Variants in SLCO5A1 observed in about 807,000 individuals in gnomAD.
SLCO5A1 encodes solute carrier organic anion transporter family member 5A1, also known as organic anion transporter polypeptide-related protein 4.
In SLCO5A1, 39 loss-of-function variants were observed where a neutral mutation model predicts 65.1. The ratio of observed to expected loss-of-function variants is 0.60; its 90% CI spans 0.46 to 0.78. The LOEUF is 0.78. Among genes scored for constraint, SLCO5A1 ranks in the 30% least tolerant of loss-of-function variants. SLCO5A1 has a pLI of 0.00. For missense variants in SLCO5A1, 1,029 were observed against 1,069.4 expected (o/e 0.96, Z 0.53); for synonymous variants, 438 against 415.7 (o/e 1.05, Z -0.65).
chr8:69,796,810 C>G (rs1819519491), intron 2 of SLCO5A1, among the ~76,000 whole-genome samples: 1 of 152,072 alleles, frequency 6.6e-6, no homozygotes, highest in African/African-American at 2.4e-5. Flanking sequence ...ATGACTTCCA[C>G]TAGATACCCT....
chr8:69,825,939 T>G (rs1820876046), intron 2 of SLCO5A1, among the ~76,000 whole-genome samples: 1 of 151,906 alleles, frequency 6.6e-6, no homozygotes, highest in East Asian at 1.9e-4. Flanking sequence ...GAGATATAGA[T>G]CAATGGAACA....
intron 2 of SLCO5A1, among the ~76,000 whole-genome samples, chr8:69,782,269 T>C (rs1216864973): frequency 2.0e-5 from 3 of 151,792 alleles, no homozygotes; most frequent in Admixed American, 6.6e-5. Context: ...AATTATAAGT[T>C]ATATAAAAAG....
chr8:69,711,187 C>G (rs1238180759), intron 5 of SLCO5A1, among the ~76,000 whole-genome samples: 5 of 151,732 alleles, frequency 3.3e-5, no homozygotes, highest in Non-Finnish European at 7.4e-5. Flanking sequence ...TGGGTTCTCC[C>G]GGCAGAAGTT....
At chr8:69,737,986 A>G in intron 5 of SLCO5A1, 54 bp downstream of exon 5, 1 of 1,575,284 alleles carries the variant, frequency 6.3e-7, no homozygotes, top group South Asian at 1.2e-5. Context: ...TACCCATTCC[A>G]TTTCATGGTC....
intron 2 of SLCO5A1, among the ~76,000 whole-genome samples, chr8:69,809,784 CT>C (rs1028556036): frequency 6.6e-6 from 1 of 151,570 alleles, no homozygotes; most frequent in African/African-American, 2.4e-5. Context: ...GGAAGGAGTA[CT>C]TTTTTTGCTT....
chr8:69,705,619 A>G (rs147393171), intron 5 of SLCO5A1, among the ~76,000 whole-genome samples: 1 of 152,354 alleles, frequency 6.6e-6, no homozygotes, highest in East Asian at 1.9e-4. Context: ...TACTCAGGTG[A>G]CAGTTACCCT....
At chr8:69,704,456 A>AT (rs1814882150) in intron 6 of SLCO5A1, among the ~76,000 whole-genome samples, 1 of 152,184 alleles carries the variant, frequency 6.6e-6, no homozygotes, top group Non-Finnish European at 1.5e-5. Context: ...ATATTGTTCC[A>AT]TTTTTTAAAA....
intron 2 of SLCO5A1, among the ~76,000 whole-genome samples, chr8:69,830,064 G>A (rs754935665): frequency 1.3e-5 from 2 of 152,182 alleles, no homozygotes. Context: ...AAGATGGTAA[G>A]CAAGCTATTC....
At chr8:69,771,295 C>A (rs971866587) in intron 2 of SLCO5A1, among the ~76,000 whole-genome samples, 2 of 152,146 alleles carry the variant, frequency 1.3e-5, no homozygotes, top group African/African-American at 4.8e-5. Context: ...GATCTTACAT[C>A]ATTTTAAATG....
intron 5 of SLCO5A1, among the ~76,000 whole-genome samples, chr8:69,730,198 G>A (rs1816268587): frequency 6.6e-6 from 1 of 152,196 alleles, no homozygotes. Flanking sequence ...GGGATTCAGA[G>A]AGGTCTGTGT....
intron 6 of SLCO5A1, among the ~76,000 whole-genome samples, chr8:69,684,669 C>A (rs1322806164): frequency 5.3e-5 from 8 of 152,144 alleles, no homozygotes; most frequent in Admixed American, 5.2e-4. Context: ...GCCAGCAATC[C>A]ACAAGTGCTT....
chr8:69,715,974 C>T (rs1386221298), intron 5 of SLCO5A1, among the ~76,000 whole-genome samples: 1 of 152,054 alleles, frequency 6.6e-6, no homozygotes, highest in African/African-American at 2.4e-5. Context: ...GCTATCACAC[C>T]CAGCCCTCCC....
chr8:69,762,147 TTTCTTTC>T (rs1817812470), intron 2 of SLCO5A1, among the ~76,000 whole-genome samples: 1 of 60,506 alleles, frequency 1.7e-5, no homozygotes, highest in Non-Finnish European at 3.5e-5. Context: ...TCTTTCTTTC[TTTCTTTC>T]TTTCTTTCTT....
intron 4 of SLCO5A1, among the ~76,000 whole-genome samples, chr8:69,752,996 C>A (rs1428363577): frequency 6.6e-6 from 1 of 152,192 alleles, no homozygotes; most frequent in East Asian, 1.9e-4. Flanking sequence ...AGAAAAGCAA[C>A]CCCTGGCAGT....
At chr8:69,716,603 T>A (rs930490447) in intron 5 of SLCO5A1, among the ~76,000 whole-genome samples, 3 of 152,232 alleles carry the variant, frequency 2.0e-5, no homozygotes. Context: ...GTGCTTATTG[T>A]TGGACATTGG....
In SLCO5A1 at chr8:69,832,205, C is replaced by T; in HGVS notation, c.469G>A (p.Glu157Lys). ...GAACTCTTCAGACTGTAGCGCCTTTCAATGGTGGTAATTACGCTGCTCAGG... is the reference window on the plus strand; with the variant it reads ...GAACTCTTCAGACTGTAGCGCCTTTTAATGGTGGTAATTACGCTGCTCAGG... ...GYLSSVITTI[E>K]RRYSLKSSES... The change falls in exon 2 of 10, where the codon GAA becomes AAA. Residue 157 changes from glutamate to lysine, a missense_variant. By Grantham distance (56) the Glu-to-Lys change is moderately conservative. Coordinates refer to ENST00000260126, the MANE Select transcript of SLCO5A1 (RefSeq NM_030958.3). The surrounding 1 kb of genome is among the most constrained non-coding windows in gnomAD (Gnocchi z 4.5). The T allele has an allele frequency of 6.2e-7, 1 of 1,614,186 alleles. No homozygotes were observed. Among genetic ancestry groups the T allele is most frequent in the Non-Finnish European group, 8.5e-7 (1 of 1,180,044 alleles).
intron 2 of SLCO5A1, among the ~76,000 whole-genome samples, chr8:69,784,821 A>AAGAAAGAG (rs1490247545): frequency 1.6e-5 from 2 of 121,770 alleles, no homozygotes; most frequent in African/African-American, 5.5e-5. Context: ...AAAAGAAAGA[A>AAGAAAGAG]AGAAAGAAAG....
chr8:69,742,710 C>G (rs1816838453), intron 4 of SLCO5A1, among the ~76,000 whole-genome samples: 1 of 151,460 alleles, frequency 6.6e-6, no homozygotes, highest in African/African-American at 2.4e-5. Flanking sequence ...CAGAGCTATG[C>G]TGCAATAAAT....
intron 2 of SLCO5A1, among the ~76,000 whole-genome samples, chr8:69,808,154 T>C (rs1251924694): frequency 7.9e-5 from 12 of 151,938 alleles, no homozygotes. Flanking sequence ...TTTTTTTTTG[T>C]AATGAAAGCT....
Sources: gnomAD v4.1 joint callset for allele counts (sites outside exome capture counted in the v4.1 genomes callset) on GRCh38, gnomAD v4.1.1 for gene constraint, Gnocchi (gnomAD v3.1) non-coding constraint, MANE v1.5 for transcripts, NCBI Gene and HGNC (gene_info 2026-07-23, HGNC 2026-07-21) for gene names.